The following AVIL variants were observed in gnomAD, a reference collection of about 807,000 sequenced individuals.
The protein encoded by AVIL is advillin.
In AVIL, 78 loss-of-function variants were observed where a neutral mutation model predicts 109.9. That is an observed-to-expected ratio of 0.71 (90% confidence interval 0.59 to 0.86). AVIL has a LOEUF of 0.86. Ranked by LOEUF, AVIL falls within the 40% of genes least tolerant of loss-of-function variation. The pLI is 0.00. For synonymous variants in AVIL, 367 were observed against 379.1 expected (o/e 0.97, Z 0.37); for missense variants, 892 against 1,016.5 (o/e 0.88, Z 1.67).
chr12:57,817,881 C>T (rs1026618886), intron 1 of AVIL, among the ~76,000 whole-genome samples: 1 of 152,194 alleles, frequency 6.6e-6, no homozygotes, highest in Non-Finnish European at 1.5e-5. Flanking sequence ...TCCCTAAATC[C>T]TAATTCAGTA....
At chr12:57,808,781 A>G (rs1240326288) in intron 9 of AVIL, 2 of 519,828 alleles carry the variant, frequency 3.8e-6, no homozygotes, top group Non-Finnish European at 6.8e-6. Flanking sequence ...ATGGTTGTTA[A>G]TTTTTAGGAT....
intron 16 of AVIL, 89 bp from the exon 17 acceptor site, chr12:57,802,437 C>G (rs1955869544): frequency 7.0e-7 from 1 of 1,437,452 alleles, no homozygotes; most frequent in African/African-American, 1.4e-5. Flanking sequence ...TTTCCCCTTT[C>G]TTTCGTGAGC....
intron 12 of AVIL, 31 bp from the exon 13 acceptor site, chr12:57,807,520 T>G (rs1955967460): frequency 6.2e-7 from 1 of 1,614,222 alleles, no homozygotes; most frequent in East Asian, 2.2e-5. Flanking sequence ...GAAGGACCCA[T>G]GCTCCCCGCC....
Position 57,803,265 on chromosome 12 carries a change from G to A in AVIL, c.1944C>T (p.Leu648=). 1.9e-6 allele frequency: 3 copies of A among 1,614,050 alleles called. No individual in the cohort carries two copies. Among genetic ancestry groups the A allele is most frequent in the Non-Finnish European group, 2.5e-6 (3 of 1,180,014 alleles). The part of the protein sequence containing the change: ...QDDLNPTDVM[L]LDTWDQVFLW... ...GTCTTACCTGGTCCCAGGTATCTAG[G>A]AGCATCACGTCAGTAGGGTTCAGGT... Residue 648 remains leucine, a synonymous_variant, in exon 16 of 20, where the codon CTC becomes CTT. Transcript: ENST00000549994.
intron 11 of AVIL, 153 bp from the exon 12 acceptor site, chr12:57,807,880 C>CTGGG: frequency 9.0e-7 from 1 of 1,115,340 alleles, no homozygotes; most frequent in Non-Finnish European, 1.3e-6. Context: ...GGACTCATCA[C>CTGGG]ATTTGCATGA....
chr12:57,802,787 C>A (rs1955876934), intron 16 of AVIL: 3 of 577,508 alleles, frequency 5.2e-6, no homozygotes, highest in Non-Finnish European at 9.2e-6. Context: ...AATGAGTCAC[C>A]AGGGCTGACC....
chr12:57,815,467 G>A, intron 2 of AVIL: 1 of 798,912 alleles, frequency 1.3e-6, no homozygotes, highest in Non-Finnish European at 1.7e-6. Context: ...GAGCTACCCA[G>A]GCCAGGGTGG....
intron 19 of AVIL, 150 bp downstream of exon 19, chr12:57,799,645 C>A: frequency 2.0e-6 from 2 of 1,025,348 alleles, no homozygotes; most frequent in South Asian, 1.6e-5. Flanking sequence ...AGAAAGAACC[C>A]TGGTTTTTTT....
At chr12:57,816,171 C>G in intron 1 of AVIL, 112 bp from the exon 2 acceptor site, 1 of 819,222 alleles carries the variant, frequency 1.2e-6, no homozygotes. Flanking sequence ...CTGCCACACC[C>G]TCATGGTGCA....
Position 57,814,144 on chromosome 12 carries a change from G to T in AVIL, c.141+8C>A. 1 of 1,612,638 alleles carries T rather than the reference G, an allele frequency of 6.2e-7. No homozygotes were observed. The highest frequency in any genetic ancestry group is 8.5e-7 in the Non-Finnish European group (1 of 1,179,534). On this transcript the variant is annotated splice_region_variant and intron_variant, in intron 3 of 19. Transcript: ENST00000549994. ...GAGGCTCACAGGAGTGGGGAGGAGGGTGCTCACCGAGAGGATGACGTAGCA... is the reference window on the plus strand; with the variant it reads ...GAGGCTCACAGGAGTGGGGAGGAGGTTGCTCACCGAGAGGATGACGTAGCA...
In AVIL at chr12:57,806,552, A is replaced by C. The variant is rs779545561; in HGVS notation, c.1492-13T>G. On this transcript the variant is annotated splice_polypyrimidine_tract_variant and intron_variant, in intron 13 of 19. Coordinates refer to ENST00000549994, the MANE Select transcript of AVIL (RefSeq NM_006576.4). ...TGGAAGTCCCACCCTAGAGAGAAGA[A>C]AAGCAGAGTCCAGATCTAAGGAGCA... 2 of 1,613,788 alleles carry C rather than the reference A, an allele frequency of 1.2e-6. No individual in the cohort carries two copies. The highest frequency in any genetic ancestry group is 1.6e-4 in the Middle Eastern group (1 of 6,062).
In AVIL at chr12:57,806,493, C is replaced by G. The variant is rs1275083938; in HGVS notation, c.1538G>C (p.Arg513Thr). Reference protein sequence around the residue: ...KGNAEPDPPVRLFQIHGNDKS... With the variant: ...KGNAEPDPPVTLFQIHGNDKS... ...GTCATTTCCATGAATTTGGAAGAGT[C>G]TTACTGGAGGGTCAGGCTCGGCATT... Residue 513 changes from arginine to threonine, a missense_variant, in exon 14 of 20, where the codon AGA becomes ACA. By Grantham distance (71) the Arg-to-Thr change is moderately conservative (BLOSUM62 -1). Coordinates refer to ENST00000549994, the MANE Select transcript of AVIL (RefSeq NM_006576.4). 6.2e-7 allele frequency: 1 copy of G among 1,614,166 alleles called. No homozygotes were observed.
At position 57,806,413 on chromosome 12, in the gene AVIL, T is replaced by C; in HGVS notation, c.1618A>G (p.Asn540Asp). 4.3e-6 allele frequency: 7 copies of C among 1,614,040 alleles called. No homozygotes were observed. The highest frequency in any genetic ancestry group is 5.9e-6 in the Non-Finnish European group (7 of 1,180,000). The change falls in exon 14 of 20, where the codon AAT becomes GAT. Residue 540 changes from asparagine to aspartate, a missense_variant. Asn to Asp is a conservative substitution (Grantham distance 23). Coordinates refer to ENST00000549994, the MANE Select transcript of AVIL (RefSeq NM_006576.4). ...VPAFASSLNSNDVFLLRTQAE... is the reference protein window; with the variant it reads ...VPAFASSLNSDDVFLLRTQAE... The stretch of plus-strand genomic sequence containing the variant: ...TGAGTTCGCAGCAGAAAGACATCAT[T>C]GGAGTTTAGGGAGGAGGCAAAGGCT...
chr12:57,818,182 C>CTTTTT lies in AVIL; in HGVS notation c.-20+442_-20+446dup, dbSNP rs66731427. On this transcript the variant is annotated intron_variant, in intron 1 of 19. Coordinates refer to ENST00000549994, the MANE Select transcript of AVIL (RefSeq NM_006576.4). ...CACAGGTGTGCACCACCATGCTTGGCTTTTTTTTTTTTTTTTTTTTTTTTT... is the reference window on the plus strand; with the variant it reads ...CACAGGTGTGCACCACCATGCTTGGCTTTTTTTTTTTTTTTTTTTTTTTTTTTTTT... Among the ~76,000 whole-genome samples the CTTTTT allele has an allele frequency of 1.6e-3, 55 of 35,272 alleles. 12 individuals carry two copies. Among genetic ancestry groups the CTTTTT allele is most frequent in the South Asian group, 4.9e-3 (3 of 608 alleles). 23.1% of individuals were successfully genotyped at this position (35,272 alleles called of 152,430 possible).
rs1412229009 is a variant in AVIL, at chr12:57,809,852, A to C, written c.800T>G (p.Val267Gly). ...DSAGQLAVTE[V>G]ATRPLVQDLL... ...GTCCTGGACCAGAGGCCTTGTTGCTACCTCTGTGACTGCCAGCTGCCCAGC... is the reference window on the plus strand; with the variant it reads ...GTCCTGGACCAGAGGCCTTGTTGCTCCCTCTGTGACTGCCAGCTGCCCAGC... The change falls in exon 8 of 20, where the codon GTA becomes GGA. Residue 267 changes from valine to glycine, a missense_variant. Physicochemically the swap from Val to Gly is moderately radical, Grantham distance 109. Transcript: ENST00000549994. The C allele has an allele frequency of 2.5e-6, 4 of 1,614,018 alleles. No individual in the cohort carries two copies. The African/African-American group carries it at 5.3e-5, about 22-fold the overall frequency.
At chr12:57,816,188 C>T in intron 1 of AVIL, 129 bp from the exon 2 acceptor site, 1 of 706,676 alleles carries the variant, frequency 1.4e-6, no homozygotes, top group South Asian at 1.9e-5. Flanking sequence ...TGCATCCCTG[C>T]ACCATTTCAC....
At position 57,803,685 on chromosome 12, in the gene AVIL, G is replaced by A; in HGVS notation, c.1672-16C>T. The A allele has an allele frequency of 1.2e-6, 2 of 1,612,832 alleles. No individual in the cohort carries two copies. Among genetic ancestry groups the A allele is most frequent in the Non-Finnish European group, 1.7e-6 (2 of 1,179,388 alleles). On this transcript the variant is annotated splice_polypyrimidine_tract_variant and intron_variant, in intron 14 of 19. Coordinates refer to ENST00000549994, the MANE Select transcript of AVIL (RefSeq NM_006576.4). ...CACTAGACCCCTGAGAGTGGGGCGAGGAGAGCACAGATGTTAGTTGCACAG... is the reference window on the plus strand; with the variant it reads ...CACTAGACCCCTGAGAGTGGGGCGAAGAGAGCACAGATGTTAGTTGCACAG...
intron 4 of AVIL, among the ~76,000 whole-genome samples, chr12:57,811,894 G>T (rs1956042607): frequency 1.3e-5 from 2 of 152,228 alleles, no homozygotes. Context: ...ATGTGTCTGT[G>T]CATTCCCTTT....
intron 2 of AVIL, among the ~76,000 whole-genome samples, chr12:57,815,097 C>T (rs1244887451): frequency 3.3e-5 from 5 of 152,170 alleles, no homozygotes; most frequent in Admixed American, 1.3e-4. Context: ...GGACTATAGG[C>T]GCCTGCCACC....
Sources: gnomAD v4.1 joint callset for allele counts (sites outside exome capture counted in the v4.1 genomes callset) on GRCh38, gnomAD v4.1.1 for gene constraint, MANE v1.5 for transcripts, NCBI Gene and HGNC (gene_info 2026-07-23, HGNC 2026-07-21) for gene names.